The following GREM2 variants were observed in gnomAD, a reference collection of about 807,000 sequenced individuals.
GREM2 encodes the protein gremlin-2.
Under a neutral mutation model 14.2 loss-of-function variants are expected in GREM2, and 11 were observed. The observed-to-expected ratio is 0.78, with a 90% CI of 0.49 to 1.28. The LOEUF is 1.28. Among genes scored for constraint, GREM2 ranks in the 50% most tolerant of loss-of-function variants. The pLI is 0.00. For missense variants in GREM2, 210 were observed against 218.5 expected, an observed-to-expected ratio of 0.96 and a Z score of 0.24; for synonymous variants, 98 against 97.6, an observed-to-expected ratio of 1.00 and a Z score of -0.02.
At chr1:240,579,390 G>A (rs575023839) in intron 1 of GREM2, among the ~76,000 whole-genome samples, 3 of 152,242 alleles carry the variant, frequency 2.0e-5, no homozygotes, top group South Asian at 2.1e-4. Context: ...GTGGCATTAC[G>A]CAAAACACCT....
At chr1:240,502,033 G>A (rs552754877) in intron 1 of GREM2, among the ~76,000 whole-genome samples, 49 of 151,936 alleles carry the variant, frequency 3.2e-4, no homozygotes, top group African/African-American at 1.0e-3. Context: ...TCATGCTCTC[G>A]TGATTCCACA....
At chr1:240,603,794 T>C (rs530702113) in intron 1 of GREM2, among the ~76,000 whole-genome samples, 2 of 151,932 alleles carry the variant, frequency 1.3e-5, no homozygotes, top group South Asian at 4.2e-4. Context: ...TGTGTTATTA[T>C]ATATGTATTT....
chr1:240,563,155 A>ATG (rs10639813), intron 1 of GREM2, among the ~76,000 whole-genome samples: 20,121 of 147,978 alleles, frequency 0.14, 3,331 homozygotes, highest in African/African-American at 0.4. Context: ...GTGAGTGTGT[A>ATG]TGTGTGTACG....
chr1:240,609,987 A>T (rs1445474013), intron 1 of GREM2, among the ~76,000 whole-genome samples: 5 of 152,248 alleles, frequency 3.3e-5, no homozygotes, highest in African/African-American at 1.2e-4. Context: ...ATAGCAAAAA[A>T]CAATGAATAA....
chr1:240,575,413 CACT>C (rs1679341296), intron 1 of GREM2, among the ~76,000 whole-genome samples: 2 of 152,052 alleles, frequency 1.3e-5, no homozygotes, highest in Non-Finnish European at 1.5e-5. Context: ...GTGGGGGTGT[CACT>C]ATGTAAGGGT....
intron 1 of GREM2, among the ~76,000 whole-genome samples, chr1:240,544,204 G>C (rs984635806): frequency 2.0e-5 from 3 of 150,186 alleles, no homozygotes; most frequent in Admixed American, 6.6e-5. Flanking sequence ...CTGGAGTGCA[G>C]TGGCGCAATC....
intron 1 of GREM2, among the ~76,000 whole-genome samples, chr1:240,589,820 G>A (rs968056973): frequency 2.0e-5 from 3 of 152,310 alleles, no homozygotes; most frequent in South Asian, 2.1e-4. Flanking sequence ...GACAGAGGAA[G>A]GAAAGAAAAA....
intron 1 of GREM2, among the ~76,000 whole-genome samples, chr1:240,519,830 C>T (rs986796764): frequency 6.4e-4 from 97 of 152,256 alleles, no homozygotes; most frequent in African/African-American, 2.2e-3. Context: ...CCTGTAATCC[C>T]AGCACTTTGG....
Position 240,542,537 on chromosome 1 carries a change from C to G in GREM2, c.-1-49061G>C, listed in dbSNP as rs1357494208. ...GGCTGAGGCAGGAGAATCGCTTGAA[C>G]CCAGGAGGCGGAGGTTGCAGTGAGC... On this transcript the variant is annotated intron_variant, in intron 1 of 1. Coordinates refer to ENST00000318160, the MANE Select transcript of GREM2 (RefSeq NM_022469.4). The surrounding 1 kb of genome is among the most constrained non-coding windows in gnomAD (Gnocchi z 4.1). Among the ~76,000 whole-genome samples, 2 of 151,914 alleles carry G rather than the reference C, an allele frequency of 1.3e-5. No individual in the cohort carries two copies. The highest frequency in any genetic ancestry group is 1.3e-4 in the Admixed American group (2 of 15,238).
At chr1:240,590,966 G>T (rs2102863873) in intron 1 of GREM2, among the ~76,000 whole-genome samples, 1 of 151,768 alleles carries the variant, frequency 6.6e-6, no homozygotes, top group East Asian at 2.0e-4. Context: ...ATTTTTAGTA[G>T]AGAAGGGGTT....
At chr1:240,551,880 G>C (rs1678861148) in intron 1 of GREM2, among the ~76,000 whole-genome samples, 2 of 152,126 alleles carry the variant, frequency 1.3e-5, no homozygotes, top group South Asian at 4.1e-4. Flanking sequence ...AGAAAGAAGG[G>C]ATCCTAGAGA....
chr1:240,504,499 A>G (rs914221428), intron 1 of GREM2, among the ~76,000 whole-genome samples: 4 of 152,182 alleles, frequency 2.6e-5, no homozygotes, highest in Non-Finnish European at 5.9e-5. Context: ...CCTACAATAG[A>G]ATGGACAGAT....
At chr1:240,560,859 T>C (rs116215971) in intron 1 of GREM2, among the ~76,000 whole-genome samples, 2,335 of 152,264 alleles carry the variant, frequency 0.015, 30 homozygotes, top group Non-Finnish European at 0.026. Flanking sequence ...TATCTGGTGA[T>C]CCACTCTGCC....
chr1:240,526,193 A>G (rs1245579490), intron 1 of GREM2, among the ~76,000 whole-genome samples: 1 of 152,134 alleles, frequency 6.6e-6, no homozygotes, highest in Non-Finnish European at 1.5e-5. Flanking sequence ...GGACGTGGGC[A>G]TCTTTGGAGG....
In GREM2 at chr1:240,491,090, T is replaced by TGAG. The variant is rs1677237338; in HGVS notation, c.*1878_*1879insCTC. Reference sequence around the variant, plus strand: ...CCATTTATGAAACCAAGACCCCCTCTGCCACAGCACATTCTTGCTCAGGTC... The same window carrying TGAG: ...CCATTTATGAAACCAAGACCCCCTCTGAGGCCACAGCACATTCTTGCTCAGGTC... On this transcript the variant is annotated 3_prime_UTR_variant, in exon 2 of 2. Transcript: ENST00000318160. 6.6e-6 allele frequency: 1 copy of TGAG among 152,230 alleles called. No homozygotes were observed. 9.4% of individuals were successfully genotyped at this position (152,230 alleles called of 1,614,324 possible).
intron 1 of GREM2, among the ~76,000 whole-genome samples, chr1:240,503,102 A>G (rs915133975): frequency 6.6e-6 from 1 of 152,218 alleles, no homozygotes; most frequent in African/African-American, 2.4e-5. Context: ...TCTTTGCAGT[A>G]TAGAGCACAA....
At chr1:240,495,458 T>G (rs1393892222) in intron 1 of GREM2, among the ~76,000 whole-genome samples, 2 of 152,216 alleles carry the variant, frequency 1.3e-5, no homozygotes, top group African/African-American at 2.4e-5. Context: ...ATGTTTGAAT[T>G]TTTTACGTCT....
chr1:240,521,669 T>C (rs766851495), intron 1 of GREM2, among the ~76,000 whole-genome samples: 1 of 152,166 alleles, frequency 6.6e-6, no homozygotes, highest in Non-Finnish European at 1.5e-5. Context: ...TCTGTTAGAA[T>C]ATTTTCTATT....
intron 1 of GREM2, among the ~76,000 whole-genome samples, chr1:240,552,089 C>T (rs1450524938): frequency 2.0e-5 from 3 of 152,134 alleles, no homozygotes; most frequent in African/African-American, 4.8e-5. Flanking sequence ...ATAGAGAACA[C>T]AGATTTTTCT....
Sources: allele counts gnomAD v4.1 joint callset (sites outside exome capture counted in the v4.1 genomes callset), GRCh38; gene constraint gnomAD v4.1.1; non-coding constraint Gnocchi (gnomAD v3.1); transcripts MANE v1.5; gene names NCBI Gene and HGNC (gene_info 2026-07-23, HGNC 2026-07-21).